The following CELF2 variants were observed in gnomAD, a reference collection of about 807,000 sequenced individuals.
CELF2 encodes the protein CUG triplet repeat RNA-binding protein 2.
A neutral mutation model predicts 62.6 loss-of-function variants in CELF2; 8 were observed. The ratio of observed to expected loss-of-function variants is 0.13; its 90% confidence interval spans 0.07 to 0.23. The LOEUF (loss-of-function observed/expected upper bound fraction) is 0.23, where lower values mean the gene tolerates loss of function less well. Ranked by LOEUF, CELF2 falls within the 10% of genes least tolerant of loss-of-function variation. The pLI is 1.00. For synonymous variants in CELF2, 258 were observed against 250.0 expected, an observed-to-expected ratio of 1.03 and a Z score of -0.30; for missense variants, 333 against 671.0, an observed-to-expected ratio of 0.50 and a Z score of 5.56.
intron 1 of CELF2, among the ~76,000 whole-genome samples, chr10:11,119,314 A>G (rs1422435331): frequency 6.6e-6 from 1 of 152,246 alleles, no homozygotes; most frequent in Non-Finnish European, 1.5e-5. Flanking sequence ...GTCAGATGTT[A>G]CTTTGGTAAC....
intron 9 of CELF2, among the ~76,000 whole-genome samples, chr10:11,294,171 C>T (rs535763016): frequency 4.9e-4 from 74 of 152,264 alleles, no homozygotes; most frequent in African/African-American, 1.4e-3. Context: ...AGAATAAGTA[C>T]GAGTCTGGTA....
rs558050726 is a variant in CELF2 at position 11,299,214 on chromosome 10, C to G, written c.976+10662C>G. On this transcript the variant is annotated intron_variant, in intron 9 of 12. Transcript: ENST00000633077. Reference sequence around the variant, plus strand: ...TGCACTAAGGGTCAGGCCTGAGGCCCCTGGGGAGTTGTTGGTTTGTATCTC... The same window carrying G: ...TGCACTAAGGGTCAGGCCTGAGGCCGCTGGGGAGTTGTTGGTTTGTATCTC... Among the ~76,000 whole-genome samples the G allele has an allele frequency of 1.6e-4, 25 of 152,356 alleles. No homozygotes were observed. In the South Asian group the frequency reaches 5.2e-3, roughly 32 times the overall value.
At chr10:11,138,170 A>T (rs17149622) in intron 1 of CELF2, among the ~76,000 whole-genome samples, 8,490 of 152,274 alleles carry the variant, frequency 0.056, 283 homozygotes, top group African/African-American at 0.087. Context: ...GAATATAGCA[A>T]TTTCCATAAG....
chr10:11,173,395 G>A (rs1027574802), intron 2 of CELF2, among the ~76,000 whole-genome samples: 1 of 152,158 alleles, frequency 6.6e-6, no homozygotes, highest in African/African-American at 2.4e-5. Flanking sequence ...GGGTTGAAAG[G>A]TTTACTTGCT....
chr10:10,815,893 G>C (rs113378220), intron 1 of CELF2, among the ~76,000 whole-genome samples: 1 of 131,466 alleles, frequency 7.6e-6, no homozygotes, highest in South Asian at 2.5e-4. Context: ...TCATAGCTTG[G>C]GGTTTGGGTT....
intron 1 of CELF2, among the ~76,000 whole-genome samples, chr10:10,821,493 C>T (rs1375011383): frequency 6.6e-6 from 1 of 152,148 alleles, no homozygotes; most frequent in Non-Finnish European, 1.5e-5. Flanking sequence ...TCCTTGGAAG[C>T]CCCCTCCAGG....
At chr10:11,149,932 A>G (rs568348177) in intron 1 of CELF2, among the ~76,000 whole-genome samples, 296 of 152,328 alleles carry the variant, frequency 1.9e-3, no homozygotes, top group African/African-American at 6.8e-3. Flanking sequence ...TATATCCGTG[A>G]TTCTATGGAC....
At chr10:10,619,347 A>T in the CELF2 span, among the ~76,000 whole-genome samples, 2 of 152,218 alleles carry the variant, frequency 1.3e-5, no homozygotes, top group African/African-American at 4.8e-5. Flanking sequence ...AGTAGTAGGT[A>T]TTTGTTAAAG....
intron 2 of CELF2, among the ~76,000 whole-genome samples, chr10:11,200,332 C>G (rs2058938819): frequency 6.6e-6 from 1 of 152,214 alleles, no homozygotes; most frequent in African/African-American, 2.4e-5. Flanking sequence ...TACCAAAATG[C>G]TAAAAGCCTA....
chr10:11,086,440 G>T (rs999831791), intron 1 of CELF2, among the ~76,000 whole-genome samples: 3 of 151,942 alleles, frequency 2.0e-5, no homozygotes, highest in Non-Finnish European at 4.4e-5. Flanking sequence ...GGGATTAGAC[G>T]CCAACATTCC....
At chr10:11,274,921 TG>T in intron 7 of CELF2, 135 bp from the exon 8 acceptor site, 1 of 753,906 alleles carries the variant, frequency 1.3e-6, no homozygotes, top group Non-Finnish European at 2.4e-6. Context: ...GCCCCAGCTC[TG>T]GGGACCTTCA....
intron 9 of CELF2, among the ~76,000 whole-genome samples, chr10:11,292,284 G>A (rs531216615): frequency 8.5e-5 from 13 of 152,298 alleles, no homozygotes; most frequent in African/African-American, 2.4e-4. Flanking sequence ...GTGTTTGGAC[G>A]TTGTTCAGGC....
At chr10:11,282,297 C>T (rs779867750) in intron 8 of CELF2, among the ~76,000 whole-genome samples, 13 of 152,096 alleles carry the variant, frequency 8.5e-5, no homozygotes, top group African/African-American at 1.7e-4. Context: ...GAGGGCAGCC[C>T]GTGGGTAGGC....
Position 11,273,897 on chromosome 10 carries a change from A to G in CELF2, c.778-1160A>G, listed in dbSNP as rs148578048. On this transcript the variant is annotated intron_variant, in intron 7 of 12. Coordinates refer to ENST00000633077, the MANE Select transcript of CELF2 (RefSeq NM_001326342.2). ...CCACCACACCCGGCTAATTTTTGTA[A>G]TTTAACTAGAGATGGGGGTTTTGCC... is the stretch of plus-strand genomic sequence containing the variant. 2.5e-3 allele frequency among the ~76,000 whole-genome samples: 371 copies of G among 151,398 alleles called. 2 individuals carry two copies. Among genetic ancestry groups the G allele is most frequent in the Non-Finnish European group, 3.9e-3 (262 of 67,888 alleles).
chr10:11,044,434 C>G (rs2062441235), intron 1 of CELF2, among the ~76,000 whole-genome samples: 1 of 152,032 alleles, frequency 6.6e-6, no homozygotes, highest in South Asian at 2.1e-4. Context: ...TTTGGGTGAG[C>G]TTTAAATTTT....
intron 2 of CELF2, among the ~76,000 whole-genome samples, chr10:11,201,589 G>A (rs767449326): frequency 1.3e-5 from 2 of 152,212 alleles, no homozygotes; most frequent in Non-Finnish European, 2.9e-5. Flanking sequence ...GGGCAAATGT[G>A]GTTTCACCAT....
chr10:10,765,514 C>T, the CELF2 span, among the ~76,000 whole-genome samples: 12 of 152,274 alleles, frequency 7.9e-5, no homozygotes, highest in East Asian at 1.9e-3. Flanking sequence ...ATTGACTCCC[C>T]GACCACAATT....
intron 2 of CELF2, among the ~76,000 whole-genome samples, chr10:11,173,608 T>C (rs561437989): frequency 3.9e-4 from 60 of 152,344 alleles, no homozygotes; most frequent in African/African-American, 1.4e-3. Context: ...CTTATGTTAG[T>C]AGATTCTTAA....
At chr10:11,107,875 C>T (rs1470632257) in intron 1 of CELF2, among the ~76,000 whole-genome samples, 2 of 138,020 alleles carry the variant, frequency 1.4e-5, no homozygotes, top group South Asian at 2.5e-4. Flanking sequence ...CCATCTCCTC[C>T]CTTCTCCCAT....
Sources: gnomAD v4.1 joint callset for allele counts (sites outside exome capture counted in the v4.1 genomes callset) on GRCh38, gnomAD v4.1.1 for gene constraint, MANE v1.5 for transcripts, NCBI Gene and HGNC (gene_info 2026-07-23, HGNC 2026-07-21) for gene names.